RPAP2: variants seen among roughly 807,000 people sequenced by gnomAD.
The protein encoded by RPAP2 is RNA polymerase II associated protein 2.
In RPAP2, 52 loss-of-function variants were observed where a neutral mutation model predicts 73.1. That is an observed-to-expected ratio of 0.71 (90% CI 0.57 to 0.90). The LOEUF is 0.90. Ranked by LOEUF, RPAP2 falls within the 40% of genes least tolerant of loss-of-function variation. The probability of loss-of-function intolerance (pLI) is 0.00; values close to 1 mark genes in which losing one functional copy is unlikely to be tolerated. For missense variants in RPAP2, 598 were observed against 701.8 expected, an observed-to-expected ratio of 0.85 and a Z score of 1.67; for synonymous variants, 225 against 242.1, an observed-to-expected ratio of 0.93 and a Z score of 0.65.
At chr1:92,367,781 G>A (rs1045235986) in intron 11 of RPAP2, among the ~76,000 whole-genome samples, 1 of 152,122 alleles carries the variant, frequency 6.6e-6, no homozygotes, top group Non-Finnish European at 1.5e-5. Context: ...CATTCTCACA[G>A]CTCTTTATTC....
At chr1:92,339,479 TAATTTTGGGAC>T (rs1380215464) in intron 10 of RPAP2, among the ~76,000 whole-genome samples, 2 of 152,088 alleles carry the variant, frequency 1.3e-5, no homozygotes, top group African/African-American at 2.4e-5. Context: ...ATAATAATAA[TAATTTTGGGAC>T]AAATACCTCA....
At chr1:92,343,998 G>A (rs551670467) in intron 10 of RPAP2, among the ~76,000 whole-genome samples, 6 of 152,096 alleles carry the variant, frequency 3.9e-5, no homozygotes, top group African/African-American at 1.4e-4. Flanking sequence ...TCCATTCTTC[G>A]TTCCTCCCCA....
At position 92,399,531 on chromosome 1, in the gene RPAP2, G is replaced by C. The variant is rs1294534810; in HGVS notation, c.*12520G>C. ...TGCCCATCTGACCCTACCTTACTGG[G>C]GTCATACAGCCAAAGCAGTGTCCAC... On this transcript the variant is annotated 3_prime_UTR_variant, in exon 13 of 13. Transcript: ENST00000610020. 2 of 152,030 alleles carry C rather than the reference G, an allele frequency of 1.3e-5. No individual in the cohort carries two copies. Among genetic ancestry groups the C allele is most frequent in the Non-Finnish European group, 2.9e-5 (2 of 68,026 alleles). 9.4% of individuals were successfully genotyped at this position (152,030 alleles called of 1,614,324 possible). A position where few individuals can be genotyped will look rare whatever the true frequency, so the allele number is the denominator to read the frequency against.
rs373034248 is a variant in RPAP2, at chr1:92,336,393, T to G, written c.1585T>G (p.Tyr529Asp). Residue 529 changes from tyrosine to aspartate, a missense_variant, in exon 10 of 13, where the codon TAC (tyrosine) becomes GAC (aspartate). This residue lies in a region of RPAP2 where 506 missense variants were observed against 612.8 expected (regional missense o/e 0.83). Transcript: ENST00000610020. ...TCTTCAGATTACATTGGGAGATATT[T>G]ACACACAACTTAAAAATCTTGTTCG... ...VPLQITLGDIYTQLKNLVRTF... is the reference protein window; with the variant it reads ...VPLQITLGDIDTQLKNLVRTF... 6.2e-7 allele frequency: 1 copy of G among 1,610,442 alleles called. No individual in the cohort carries two copies. Among genetic ancestry groups the G allele is most frequent in the Non-Finnish European group, 8.5e-7 (1 of 1,177,434 alleles).
At chr1:92,302,337 A>G (rs1557586291) in intron 3 of RPAP2, among the ~76,000 whole-genome samples, 1 of 151,736 alleles carries the variant, frequency 6.6e-6, no homozygotes, top group Non-Finnish European at 1.5e-5. Context: ...GGAGAAAAAA[A>G]AAAAAAGAAA....
Position 92,304,381 on chromosome 1 carries a change from AT to A in RPAP2, c.399+40del, listed in dbSNP as rs758653626. The A allele has an allele frequency of 1.8e-5, 23 of 1,311,068 alleles. No homozygotes were observed. In the Admixed American group the frequency reaches 2.4e-4, roughly 14 times the overall value. The allele number at this position is 1,311,068 out of a possible 1,614,324, so 81.2% of individuals were successfully genotyped here. The stretch of plus-strand genomic sequence containing the variant: ...TTAAAGGCTTTCATTGTGGCAATTA[AT>A]TTTTTTTCTTTACTAACCACTATCC... On this transcript the variant is annotated intron_variant, in intron 5 of 12. Coordinates refer to ENST00000610020, the MANE Select transcript of RPAP2 (RefSeq NM_024813.3).
chr1:92,397,881 G>C lies in RPAP2; in HGVS notation c.*10870G>C, dbSNP rs1323894009. 1.3e-5 allele frequency: 2 copies of C among 152,540 alleles called. No individual in the cohort carries two copies. The highest frequency in any genetic ancestry group is 2.4e-5 in the African/African-American group (1 of 41,460). 9.4% of individuals were successfully genotyped at this position (152,540 alleles called of 1,614,324 possible). On this transcript the variant is annotated 3_prime_UTR_variant, in exon 13 of 13. Transcript: ENST00000610020. ...CAATCTGAAAGAGCTCCCTGGCCGG[G>C]CACGGTGGCTCACGCCTGTAATCCC...
intron 11 of RPAP2, among the ~76,000 whole-genome samples, chr1:92,379,801 G>A (rs1407344540): frequency 6.6e-6 from 1 of 151,566 alleles, no homozygotes; most frequent in East Asian, 1.9e-4. Flanking sequence ...CAGGCGTGGT[G>A]GCACACACCT....
Position 92,374,831 on chromosome 1 carries a change from G to A in RPAP2, c.1689-5893G>A, listed in dbSNP as rs375601727. On this transcript the variant is annotated intron_variant, in intron 11 of 12. Transcript: ENST00000610020. ...ACATAAAGTTGATGGGTGAGAGGGA[G>A]TGAGGGATTAAAAAACTGCACATTG... 1.1e-4 allele frequency among the ~76,000 whole-genome samples: 17 copies of A among 152,238 alleles called. No homozygotes were observed. The South Asian group carries it at 1.7e-3, about 15-fold the overall frequency.
intron 1 of RPAP2, 107 bp from the exon 2 acceptor site, chr1:92,300,087 G>C: frequency 1.4e-6 from 1 of 715,662 alleles, no homozygotes; most frequent in South Asian, 1.8e-5. Flanking sequence ...ACATAGAAAA[G>C]GTACAGTAAA....
intron 11 of RPAP2, among the ~76,000 whole-genome samples, chr1:92,353,165 T>G (rs1008831696): frequency 1.3e-5 from 2 of 152,206 alleles, no homozygotes; most frequent in Non-Finnish European, 2.9e-5. Context: ...ATGTACAGAT[T>G]TTTTTGTGTG....
In RPAP2 at chr1:92,389,391, A is replaced by G. The variant is rs1477850960; in HGVS notation, c.*2380A>G. 1 of 152,228 alleles carries G rather than the reference A, an allele frequency of 6.6e-6. No homozygotes were observed. Among genetic ancestry groups the G allele is most frequent in the Non-Finnish European group, 1.5e-5 (1 of 68,060 alleles). The allele number at this position is 152,228 out of a possible 1,614,324, so 9.4% of individuals were successfully genotyped here. ...TACACCAAAACCCCATCCATAGGAC[A>G]CCAACATCAGAGACCAAAGGTAGGT... On this transcript the variant is annotated 3_prime_UTR_variant, in exon 13 of 13. Transcript: ENST00000610020.
rs1427452342 is a variant in RPAP2 at position 92,337,273 on chromosome 1, G to A, written c.1619+846G>A. On this transcript the variant is annotated intron_variant, in intron 10 of 12. Coordinates refer to ENST00000610020, the MANE Select transcript of RPAP2 (RefSeq NM_024813.3). ...TTAGAAGTGTAAAATTACAGTACAGGAACAGTTTCTTGGCATAGTCAGCTG... is the reference window on the plus strand; with the variant it reads ...TTAGAAGTGTAAAATTACAGTACAGAAACAGTTTCTTGGCATAGTCAGCTG... 4.6e-5 allele frequency among the ~76,000 whole-genome samples: 7 copies of A among 152,134 alleles called. 1 individual carries two copies. The South Asian group carries it at 1.5e-3, about 32-fold the overall frequency.
At chr1:92,343,558 T>C (rs750185783) in intron 10 of RPAP2, among the ~76,000 whole-genome samples, 4 of 152,186 alleles carry the variant, frequency 2.6e-5, no homozygotes, top group South Asian at 2.1e-4. Flanking sequence ...TCAGAATTAA[T>C]AGATTTTAAT....
At chr1:92,382,168 A>G (rs1464391507) in intron 12 of RPAP2, among the ~76,000 whole-genome samples, 2 of 151,208 alleles carry the variant, frequency 1.3e-5, no homozygotes, top group African/African-American at 2.4e-5. Context: ...CCAGTCTATC[A>G]TTGTTGGACA....
chr1:92,362,545 C>G (rs1191432836), intron 11 of RPAP2, among the ~76,000 whole-genome samples: 1 of 152,110 alleles, frequency 6.6e-6, no homozygotes, highest in Non-Finnish European at 1.5e-5. Context: ...CAAGTATAAT[C>G]TGCCTTAAAG....
chr1:92,324,162 A>C lies in RPAP2; in HGVS notation c.1242A>C (p.Ser414=). The stretch of plus-strand genomic sequence containing the variant: ...AACTTGATGAAGATGACATAATCTC[A>C]GATCCAGATAGTCATTTCCCTGCCT... ...KEELDEDDII[S]DPDSHFPAWR... is the part of the protein sequence containing the mutation. Residue 414 remains serine, a synonymous_variant, in exon 8 of 13, where the codon TCA becomes TCC. Coordinates refer to ENST00000610020, the MANE Select transcript of RPAP2 (RefSeq NM_024813.3). 1.2e-6 allele frequency: 2 copies of C among 1,614,176 alleles called. No individual in the cohort carries two copies. Among genetic ancestry groups the C allele is most frequent in the East Asian group, 4.5e-5 (2 of 44,882 alleles).
chr1:92,370,420 C>T (rs1655098771), intron 11 of RPAP2, among the ~76,000 whole-genome samples: 1 of 152,102 alleles, frequency 6.6e-6, no homozygotes, highest in African/African-American at 2.4e-5. Flanking sequence ...GAATCATTTT[C>T]AAGAATATGA....
In RPAP2 at chr1:92,338,123, A is replaced by G. The variant is rs183929807; in HGVS notation, c.1619+1696A>G. The stretch of plus-strand genomic sequence containing the variant: ...GTATTTTACACTTCAGTTGGCTGAT[A>G]AAACAAGCACATAAAGACATTTTTA... On this transcript the variant is annotated intron_variant, in intron 10 of 12. Transcript: ENST00000610020. 5.9e-5 allele frequency among the ~76,000 whole-genome samples: 9 copies of G among 152,322 alleles called. No individual in the cohort carries two copies. The East Asian group carries it at 1.5e-3, about 26-fold the overall frequency.
Sources: allele counts gnomAD v4.1 joint callset (sites outside exome capture counted in the v4.1 genomes callset), GRCh38; gene constraint gnomAD v4.1.1; regional missense constraint gnomAD v4.1.1; transcripts MANE v1.5; gene names NCBI Gene and HGNC (gene_info 2026-07-23, HGNC 2026-07-21).